The following DNASE1 variants were observed in gnomAD, a reference collection of about 807,000 sequenced individuals.
DNASE1 encodes deoxyribonuclease-1.
In DNASE1, 40 loss-of-function variants were observed where a neutral mutation model predicts 33.9. That is an observed-to-expected ratio of 1.18 (90% CI 0.92 to 1.54). The LOEUF is 1.54. Ranked by LOEUF, DNASE1 falls within the 40% of genes most tolerant of loss-of-function variation. DNASE1 has a pLI of 0.00. For missense variants in DNASE1, 518 were observed against 372.6 expected, an observed-to-expected ratio of 1.39 and a Z score of -3.21; for synonymous variants, 216 against 160.0, an observed-to-expected ratio of 1.35 and a Z score of -2.64.
At chr16:3,658,237 G>A (rs187640053), downstream of DNASE1, 635 of 1,611,876 alleles carry the variant, frequency 3.9e-4, 2 homozygotes, top group Non-Finnish European at 3.4e-4. Flanking sequence ...ATATCTGAAA[G>A]GCAAGAGGAG....
intron 1 of DNASE1, among the ~76,000 whole-genome samples, chr16:3,646,783 A>T (rs1250292397): frequency 6.6e-6 from 1 of 152,140 alleles, no homozygotes; most frequent in Non-Finnish European, 1.5e-5. Context: ...AGAGGCAGTG[A>T]TGACGGGTGG....
upstream of DNASE1, among the ~76,000 whole-genome samples, chr16:3,639,414 G>A (rs970511943): frequency 3.9e-5 from 6 of 152,060 alleles, no homozygotes; most frequent in East Asian, 1.9e-4. Context: ...CCAACCCCCC[G>A]GCTTTCCAGC....
Position 3,623,353 on chromosome 16 carries a change from C to G in DNASE1, c.-1359+11347C>G, listed in dbSNP as rs561192763. ...ACAAAAATTAACTCAAAGACTTAAACATAAGACCTGAAACTCTAAAGATCT... is the reference window on the plus strand; with the variant it reads ...ACAAAAATTAACTCAAAGACTTAAAGATAAGACCTGAAACTCTAAAGATCT... On this transcript the variant is annotated intron_variant and NMD_transcript_variant, in intron 1 of 11. Coordinates refer to the DNASE1 transcript ENST00000570769. Among the ~76,000 whole-genome samples, 4 of 152,240 alleles carry G rather than the reference C, an allele frequency of 2.6e-5. No individual in the cohort carries two copies. In the South Asian group the frequency reaches 8.3e-4, roughly 31 times the overall value.
rs752903063 is a variant in DNASE1, at chr16:3,656,202, G to A, written c.320+17G>A. 1 of 1,613,186 alleles carries A rather than the reference G, an allele frequency of 6.2e-7. No homozygotes were observed. The highest frequency in any genetic ancestry group is 8.5e-7 in the Non-Finnish European group (1 of 1,179,602). ...CGTGTACAGGTGGGTGGTCTAGAAA[G>A]CCAGGAAGCCCCTCCCTCACCTGGG... On this transcript the variant is annotated intron_variant, in intron 4 of 8. Coordinates refer to ENST00000246949, the MANE Select transcript of DNASE1 (RefSeq NM_005223.4).
chr16:3,663,513 C>A (rs141361125), exon 10 of DNASE1: 10 of 1,614,002 alleles, frequency 6.2e-6, no homozygotes, highest in South Asian at 3.3e-5. Context: ...GTCAAACTCA[C>A]GAAGGTGCAG....
At chr16:3,659,767 A>AG (rs2042962256), downstream of DNASE1, 1 of 151,484 alleles carries the variant, frequency 6.6e-6, no homozygotes, top group Non-Finnish European at 1.5e-5. Context: ...ATAGATAGAT[A>AG]GATAGATAGA....
At chr16:3,661,744 C>G, downstream of DNASE1, 1 of 418,948 alleles carries the variant, frequency 2.4e-6, no homozygotes, top group East Asian at 3.6e-5. Flanking sequence ...TAAAGCAAAA[C>G]GAGGACATGG....
upstream of DNASE1, among the ~76,000 whole-genome samples, chr16:3,640,543 A>C (rs1827301186): frequency 6.6e-6 from 1 of 152,170 alleles, no homozygotes; most frequent in African/African-American, 2.4e-5. Flanking sequence ...TGAAGGCAAA[A>C]GTATGTTGTC....
Position 3,657,798 on chromosome 16 carries a change from T to C in DNASE1, c.783T>C (p.Tyr261=). 3 of 1,614,042 alleles carry C rather than the reference T, an allele frequency of 1.9e-6. No individual in the cohort carries two copies. The highest frequency in any genetic ancestry group is 1.7e-5 in the Admixed American group (1 of 60,012). The change falls in exon 8 of 9, where the codon TAT becomes TAC. Residue 261 remains tyrosine, a synonymous_variant. Coordinates refer to ENST00000246949, the MANE Select transcript of DNASE1 (RefSeq NM_005223.4). ...TTCCCTTTAACTTCCAGGCTGCCTA[T>C]GGCCTGAGTGACCAACTGGTATGTG... The part of the protein sequence containing the change: ...SALPFNFQAA[Y]GLSDQLAQAI...
chr16:3,646,952 G>A (rs558853083), intron 1 of DNASE1, among the ~76,000 whole-genome samples: 2 of 152,226 alleles, frequency 1.3e-5, no homozygotes, highest in South Asian at 4.1e-4. Flanking sequence ...ATAATCTGGG[G>A]CCATTGTGGC....
exon 10 of DNASE1, chr16:3,663,493 G>C: frequency 6.2e-7 from 1 of 1,614,188 alleles, no homozygotes. Flanking sequence ...ACAGAGATCA[G>C]CTTCTTCTTG....
intron 1 of DNASE1, among the ~76,000 whole-genome samples, chr16:3,614,169 C>T (rs919696098): frequency 3.3e-5 from 5 of 152,020 alleles, no homozygotes; most frequent in East Asian, 1.9e-4. Context: ...GCCTTGGCCT[C>T]CCAGAGTGCT....
exon 10 of DNASE1, chr16:3,664,430 C>T (rs1249405441): frequency 6.2e-7 from 1 of 1,612,308 alleles, no homozygotes; most frequent in Non-Finnish European, 8.5e-7. Flanking sequence ...GCGCCGAGGA[C>T]TCGTAGCGCA....
At position 3,658,057 on chromosome 16, in the gene DNASE1, A is replaced by G. The variant is rs1254700845; in HGVS notation, c.*104A>G. The G allele has an allele frequency of 1.4e-5, 23 of 1,607,594 alleles. No individual in the cohort carries two copies. Among genetic ancestry groups the G allele is most frequent in the Non-Finnish European group, 1.8e-5 (21 of 1,176,046 alleles). On this transcript the variant is annotated 3_prime_UTR_variant, in exon 9 of 9. Coordinates refer to ENST00000246949, the MANE Select transcript of DNASE1 (RefSeq NM_005223.4). ...CACACTCGGGTTAAGAAATACCTTT[A>G]AATTTAGGTAAATAAAGCTCAAGGA...
intron 1 of DNASE1, among the ~76,000 whole-genome samples, chr16:3,637,218 T>C (rs1323243322): frequency 6.6e-6 from 1 of 152,270 alleles, no homozygotes; most frequent in Non-Finnish European, 1.5e-5. Flanking sequence ...CTCTGTCTGC[T>C]GTTTGCTGTA....
chr16:3,656,982 C>G lies in DNASE1; in HGVS notation c.437-17C>G, dbSNP rs374469460. On this transcript the variant is annotated splice_polypyrimidine_tract_variant and intron_variant, in intron 5 of 8. Transcript: ENST00000246949. ...CCCCCAGGGAGTGTGCCTCACACGACGTGGCTGTCTCCACAGAGGTCAGGG... is the reference window on the plus strand; with the variant it reads ...CCCCCAGGGAGTGTGCCTCACACGAGGTGGCTGTCTCCACAGAGGTCAGGG... 35 of 1,611,944 alleles carry G rather than the reference C, an allele frequency of 2.2e-5. No homozygotes were observed. Among genetic ancestry groups the G allele is most frequent in the African/African-American group, 4.0e-5 (3 of 74,922 alleles).
chr16:3,654,006 G>T (rs1347945577), upstream of DNASE1: 2 of 171,128 alleles, frequency 1.2e-5, no homozygotes, highest in African/African-American at 4.7e-5. Context: ...CTACTCAGGA[G>T]GCTGAGGAGG....
At chr16:3,630,457 G>C (rs955277584) in intron 1 of DNASE1, among the ~76,000 whole-genome samples, 1 of 152,074 alleles carries the variant, frequency 6.6e-6, no homozygotes, top group Non-Finnish European at 1.5e-5. Flanking sequence ...CTGGGATTAC[G>C]GGCATGAGCC....
intron 1 of DNASE1, among the ~76,000 whole-genome samples, chr16:3,616,734 A>G (rs1302848195): frequency 2.0e-5 from 3 of 152,226 alleles, no homozygotes; most frequent in East Asian, 1.9e-4. Flanking sequence ...ACTTCCTTAT[A>G]TCAAAACTTA....
Sources: gnomAD v4.1 joint callset for allele counts (sites outside exome capture counted in the v4.1 genomes callset) on GRCh38, gnomAD v4.1.1 for gene constraint, MANE v1.5 for transcripts, NCBI Gene and HGNC (gene_info 2026-07-23, HGNC 2026-07-21) for gene names.